Variants in PHEX observed in about 807,000 individuals in gnomAD.
The protein encoded by PHEX is phosphate regulating endopeptidase X-linked, also known as phosphate-regulating neutral endopeptidase PHEX.
A neutral mutation model predicts 68.0 loss-of-function variants in PHEX; 16 were observed. The observed-to-expected ratio is 0.24, with a 90% CI of 0.16 to 0.36. The LOEUF (loss-of-function observed/expected upper bound fraction) is 0.36. PHEX is among the 10% of genes least tolerant of loss of function. The pLI is 1.00. For missense variants in PHEX, 480 were observed against 575.5 expected (o/e 0.83, Z 1.70); for synonymous variants, 208 against 205.1 (o/e 1.01, Z -0.12).
intron 15 of PHEX, among the ~76,000 whole-genome samples, chrX:22,212,365 G>C (rs1217684291): frequency 4.5e-5 from 5 of 111,505 alleles, no homozygotes; most frequent in Non-Finnish European, 9.4e-5. Flanking sequence ...TGTGTAAATG[G>C]GGCTCCTAGG....
At chrX:22,033,395 G>A (rs1190521636) in intron 1 of PHEX, among the ~76,000 whole-genome samples, 1 of 75,469 alleles carries the variant, frequency 1.3e-5, no homozygotes, top group Admixed American at 1.4e-4. Flanking sequence ...TGTTGCATTG[G>A]GTGGAAAATT....
chrX:22,158,573 T>G (rs1205529502), intron 12 of PHEX, among the ~76,000 whole-genome samples: 1 of 112,543 alleles, frequency 8.9e-6, no homozygotes, highest in East Asian at 2.8e-4. Context: ...CTCTCCTAAA[T>G]AGCCAAGTCA....
chrX:22,207,585 C>T (rs948521581), intron 15 of PHEX, among the ~76,000 whole-genome samples: 1 of 109,623 alleles, frequency 9.1e-6, no homozygotes, highest in Non-Finnish European at 1.9e-5. Context: ...GGTACAATTT[C>T]CATGAAAAAA....
intron 11 of PHEX, among the ~76,000 whole-genome samples, chrX:22,118,977 G>A (rs752205425): frequency 2.3e-4 from 26 of 112,440 alleles, no homozygotes; most frequent in Non-Finnish European, 4.7e-4. Flanking sequence ...GCAGGACAGA[G>A]CCTTAACTCG....
chrX:22,138,140 T>C (rs1932308347), intron 12 of PHEX, among the ~76,000 whole-genome samples: 1 of 112,966 alleles, frequency 8.9e-6, no homozygotes, highest in African/African-American at 3.2e-5. Flanking sequence ...TGCTCGCACT[T>C]GAATCCTTGT....
chrX:22,234,025 G>T (rs1329179656), intron 20 of PHEX, among the ~76,000 whole-genome samples: 5 of 112,583 alleles, frequency 4.4e-5, no homozygotes, highest in Non-Finnish European at 1.9e-5. Context: ...CTTTCTGTTT[G>T]TTTGTTAGTT....
At chrX:22,162,429 G>T (rs1411881263) in intron 12 of PHEX, among the ~76,000 whole-genome samples, 11 of 111,847 alleles carry the variant, frequency 9.8e-5, no homozygotes, top group Non-Finnish European at 1.9e-4. Context: ...CAGGTGTTTG[G>T]TTAGGGGTAT....
intron 3 of PHEX, among the ~76,000 whole-genome samples, chrX:22,064,509 G>A (rs12010987): frequency 0.039 from 4,302 of 111,355 alleles, 201 homozygotes; most frequent in African/African-American, 0.13. Context: ...ATAGTATTCC[G>A]TGGTATGTGT....
chrX:22,247,754 C>T, intron 21 of PHEX, 97 bp from the exon 22 acceptor site: 1 of 633,679 alleles, frequency 1.6e-6, no homozygotes, highest in Non-Finnish European at 2.6e-6. Context: ...TAAAAGAATG[C>T]CAACCTTCTT....
intron 10 of PHEX, 100 bp from the exon 11 acceptor site, chrX:22,114,358 T>C: frequency 1.3e-6 from 1 of 745,673 alleles, no homozygotes; most frequent in South Asian, 2.1e-5. Flanking sequence ...GGTTAGGGTG[T>C]GCAGTGTTTT....
At chrX:22,239,875 CA>C (rs781543095) in intron 20 of PHEX, among the ~76,000 whole-genome samples, 60 of 111,234 alleles carry the variant, frequency 5.4e-4, no homozygotes, top group Middle Eastern at 4.6e-3. Flanking sequence ...CATTCAAATT[CA>C]GGAAATACAG....
intron 2 of PHEX, 100 bp from the exon 3 acceptor site, chrX:22,046,950 C>A: frequency 1.4e-6 from 1 of 714,590 alleles, no homozygotes; most frequent in Non-Finnish European, 2.2e-6. Context: ...AATGCCAAGG[C>A]TTGGAAACTG....
At chrX:22,233,427 C>T (rs1261772509) in intron 20 of PHEX, among the ~76,000 whole-genome samples, 4 of 111,410 alleles carry the variant, frequency 3.6e-5, no homozygotes, top group Admixed American at 2.9e-4. Flanking sequence ...TCCATTCTCC[C>T]CGTCACTTTC....
At chrX:22,239,025 G>A (rs942701411) in intron 20 of PHEX, among the ~76,000 whole-genome samples, 4 of 111,884 alleles carry the variant, frequency 3.6e-5, no homozygotes, top group African/African-American at 9.8e-5. Flanking sequence ...AGCTTCCAGA[G>A]GAAGGAACAG....
At chrX:22,171,355 A>G (rs1053319610) in intron 13 of PHEX, among the ~76,000 whole-genome samples, 2 of 110,785 alleles carry the variant, frequency 1.8e-5, no homozygotes, top group African/African-American at 3.3e-5. Flanking sequence ...CCATGATTCA[A>G]TCACCTCCCT....
chrX:22,209,792 T>C (rs1436454040), intron 15 of PHEX, among the ~76,000 whole-genome samples: 1 of 78,565 alleles, frequency 1.3e-5, no homozygotes, highest in South Asian at 8.2e-4. Context: ...TCCCTCTCTC[T>C]CTCCCTCTCC....
intron 5 of PHEX, among the ~76,000 whole-genome samples, chrX:22,088,931 T>C (rs1471102512): frequency 8.9e-6 from 1 of 112,560 alleles, no homozygotes; most frequent in African/African-American, 3.2e-5. Context: ...GTTTTAGGTT[T>C]TACATTTAGG....
chrX:22,083,363 C>A (rs1176497808), intron 5 of PHEX, among the ~76,000 whole-genome samples: 2 of 111,721 alleles, frequency 1.8e-5, no homozygotes, highest in Non-Finnish European at 3.8e-5. Flanking sequence ...TTTCGTGGTT[C>A]CATATAAAAT....
intron 15 of PHEX, among the ~76,000 whole-genome samples, chrX:22,196,644 C>T (rs1028585291): frequency 3.7e-4 from 41 of 112,183 alleles, no homozygotes; most frequent in African/African-American, 1.0e-3. Flanking sequence ...ATTTGAAAAG[C>T]GCCTCATTTA....
Sources: gnomAD v4.1 joint callset for allele counts (sites outside exome capture counted in the v4.1 genomes callset) on GRCh38, gnomAD v4.1.1 for gene constraint, MANE v1.5 for transcripts, NCBI Gene and HGNC (gene_info 2026-07-23, HGNC 2026-07-21) for gene names.